CACNB2: variants seen among roughly 807,000 people sequenced by gnomAD.
CACNB2 encodes the protein voltage-dependent L-type calcium channel subunit beta-2.
CACNB2 carries 42 observed loss-of-function variants against 73.3 expected under a neutral mutation model. The observed-to-expected ratio is 0.57, with a 90% confidence interval of 0.45 to 0.74. The LOEUF (loss-of-function observed/expected upper bound fraction) is 0.74. Among genes scored for constraint, CACNB2 ranks in the 30% least tolerant of loss-of-function variants. The pLI is 0.00. For missense variants in CACNB2, 940 were observed against 853.0 expected (o/e 1.10, Z -1.27); for synonymous variants, 348 against 310.3 (o/e 1.12, Z -1.28).
intron 2 of CACNB2, among the ~76,000 whole-genome samples, chr10:18,248,392 G>T (rs912204107): frequency 6.6e-5 from 10 of 152,026 alleles, no homozygotes; most frequent in Non-Finnish European, 1.2e-4. Flanking sequence ...AAAGTAATTG[G>T]GCAAATACAT....
chr10:18,457,425 A>C (rs2047340483), intron 3 of CACNB2, among the ~76,000 whole-genome samples: 1 of 152,162 alleles, frequency 6.6e-6, no homozygotes, highest in African/African-American at 2.4e-5. Context: ...TATTAATTAT[A>C]TTCAGAAAAC....
At chr10:18,407,710 T>A (rs2044373148) in intron 3 of CACNB2, among the ~76,000 whole-genome samples, 1 of 152,166 alleles carries the variant, frequency 6.6e-6, no homozygotes, top group Admixed American at 6.5e-5. Context: ...TTCTCACTTT[T>A]TCTCCATCTT....
intron 2 of CACNB2, among the ~76,000 whole-genome samples, chr10:18,269,316 C>T (rs949134435): frequency 1.3e-4 from 20 of 152,116 alleles, no homozygotes; most frequent in African/African-American, 4.8e-4. Flanking sequence ...AGACATGGCC[C>T]CATCCCACTG....
At chr10:18,405,059 A>G (rs1490373691) in intron 3 of CACNB2, among the ~76,000 whole-genome samples, 1 of 152,226 alleles carries the variant, frequency 6.6e-6, no homozygotes, top group African/African-American at 2.4e-5. Flanking sequence ...TACCTTAAAG[A>G]CAAGTAATAT....
chr10:18,518,866 A>AT (rs756162750), intron 8 of CACNB2, 44 bp from the exon 9 acceptor site: 55 of 1,539,248 alleles, frequency 3.6e-5, no homozygotes, highest in African/African-American at 1.4e-4. Context: ...ATCGTTAGTA[A>AT]TTTTTTTTGG....
chr10:18,516,811 CTTGT>C (rs918153945), intron 7 of CACNB2, among the ~76,000 whole-genome samples: 11 of 149,054 alleles, frequency 7.4e-5, no homozygotes, highest in South Asian at 2.1e-4. Context: ...TTATGTTTGT[CTTGT>C]TTTTTTTTTT....
chr10:18,536,535 T>TTGG (rs1264062154), intron 12 of CACNB2, among the ~76,000 whole-genome samples: 13 of 151,912 alleles, frequency 8.6e-5, no homozygotes, highest in Admixed American at 3.3e-4. Flanking sequence ...GTGCTAGGAT[T>TTGG]ACAAGCATGA....
chr10:18,537,790 G>GAA (rs1284867347), intron 12 of CACNB2, among the ~76,000 whole-genome samples: 1 of 151,936 alleles, frequency 6.6e-6, no homozygotes, highest in East Asian at 1.9e-4. Context: ...AAAAGAAAAA[G>GAA]AAAAAAGATA....
chr10:18,530,629 A>C (rs1162972249), intron 10 of CACNB2, among the ~76,000 whole-genome samples: 1 of 152,186 alleles, frequency 6.6e-6, no homozygotes, highest in African/African-American at 2.4e-5. Flanking sequence ...TGAAAAACAG[A>C]ATGGTTGTAT....
intron 2 of CACNB2, among the ~76,000 whole-genome samples, chr10:18,176,278 A>G (rs1224688188): frequency 6.6e-6 from 1 of 152,180 alleles, no homozygotes; most frequent in Non-Finnish European, 1.5e-5. Context: ...GATGGTGAAC[A>G]GTATTATGAA....
At chr10:18,460,986 A>G (rs1312726514) in intron 3 of CACNB2, among the ~76,000 whole-genome samples, 3 of 151,902 alleles carry the variant, frequency 2.0e-5, no homozygotes, top group African/African-American at 7.3e-5. Flanking sequence ...CTGGAGGGCA[A>G]TGGCGTGATC....
chr10:18,260,858 C>G, intron 2 of CACNB2: 6 of 1,081,152 alleles, frequency 5.5e-6, no homozygotes, highest in Non-Finnish European at 6.8e-6. Flanking sequence ...TCGCGAAATG[C>G]AAGACACTCA....
At chr10:18,407,627 C>T (rs140612237) in intron 3 of CACNB2, among the ~76,000 whole-genome samples, 2 of 151,948 alleles carry the variant, frequency 1.3e-5, no homozygotes, top group African/African-American at 2.4e-5. Context: ...ATAATTTCTT[C>T]CCCTATATTG....
chr10:18,389,253 C>T (rs1381649096), intron 2 of CACNB2, among the ~76,000 whole-genome samples: 2 of 152,172 alleles, frequency 1.3e-5, no homozygotes, highest in African/African-American at 4.8e-5. Context: ...CCTCCTGCCT[C>T]AGCTTCCCAA....
intron 3 of CACNB2, among the ~76,000 whole-genome samples, chr10:18,477,705 C>A (rs1039685740): frequency 6.6e-6 from 1 of 152,012 alleles, no homozygotes; most frequent in Non-Finnish European, 1.5e-5. Context: ...TGTGGTAATT[C>A]ACATAATGCA....
intron 3 of CACNB2, among the ~76,000 whole-genome samples, chr10:18,442,957 T>TAAATAAG (rs1491543553): frequency 1.1e-4 from 2 of 18,886 alleles, no homozygotes; most frequent in Non-Finnish European, 1.5e-4. Context: ...TATATATATA[T>TAAATAAG]GTATATATAT....
chr10:18,392,332 G>A (rs2043516554), intron 2 of CACNB2, among the ~76,000 whole-genome samples: 1 of 152,180 alleles, frequency 6.6e-6, no homozygotes, highest in South Asian at 2.1e-4. Context: ...ATGAAGAGAG[G>A]ACAGGGGATG....
At chr10:18,161,091 A>C (rs1377968506) in intron 2 of CACNB2, among the ~76,000 whole-genome samples, 1 of 152,156 alleles carries the variant, frequency 6.6e-6, no homozygotes, top group Admixed American at 6.5e-5. Flanking sequence ...GATAAAGAAG[A>C]GGGGAAAACA....
intron 2 of CACNB2, chr10:18,238,307 C>G (rs2036525035): frequency 1.3e-5 from 2 of 152,112 alleles, no homozygotes; most frequent in African/African-American, 2.4e-5. Context: ...TTAATAAAAC[C>G]AAAGCTTTTG....
Sources: allele counts gnomAD v4.1 joint callset (sites outside exome capture counted in the v4.1 genomes callset), GRCh38; gene constraint gnomAD v4.1.1; transcripts MANE v1.5; gene names NCBI Gene and HGNC (gene_info 2026-07-23, HGNC 2026-07-21).